Variants in ISG20L2 observed in about 807,000 individuals in gnomAD.
ISG20L2 encodes the protein interferon stimulated exonuclease gene 20 like 2.
ISG20L2 carries 14 observed loss-of-function variants against 27.8 expected under a neutral mutation model. The observed-to-expected ratio is 0.50, with a 90% CI of 0.33 to 0.79. The LOEUF (loss-of-function observed/expected upper bound fraction) is 0.79, where lower values mean the gene tolerates loss of function less well. Among genes scored for constraint, ISG20L2 ranks in the 30% least tolerant of loss-of-function variants. The probability of loss-of-function intolerance (pLI) is 0.02; values close to 1 mark genes in which losing one functional copy is unlikely to be tolerated. For missense variants in ISG20L2, 393 were observed against 435.1 expected (o/e 0.90, Z 0.86); for synonymous variants, 157 against 165.7 (o/e 0.95, Z 0.40).
rs1648560099 is a variant in ISG20L2 at position 156,721,965 on chromosome 1, G to A, written c.*1384C>T. ...AGGCTTGGTTTAGCAAGGTAAAAAA[G>A]ACAACCAAATTATTAAAACACTTTA... On this transcript the variant is annotated 3_prime_UTR_variant, in exon 4 of 4. Coordinates refer to ENST00000368219, the MANE Select transcript of ISG20L2 (RefSeq NM_001370150.2). 6.6e-6 allele frequency: 1 copy of A among 152,124 alleles called. No homozygotes were observed. Among genetic ancestry groups the A allele is most frequent in the Non-Finnish European group, 1.5e-5 (1 of 68,026 alleles). The allele number at this position is 152,124 out of a possible 1,614,324, so 9.4% of individuals were successfully genotyped here.
Position 156,728,230 on chromosome 1 carries a change from C to T in ISG20L2, c.-118+185G>A, listed in dbSNP as rs577837323. The T allele has an allele frequency of 1.5e-5, 15 of 985,910 alleles. No individual in the cohort carries two copies. The South Asian group carries it at 6.6e-4, about 43-fold the overall frequency. The allele number at this position is 985,910 out of a possible 1,614,324, so 61.1% of individuals were successfully genotyped here. On this transcript the variant is annotated intron_variant, in intron 1 of 3. Transcript: ENST00000368219. ...AGACACAAATCCAGGCATCCCTTTC[C>T]CTTGGCTCCAGGCCGGAATTGGGGG... is the stretch of plus-strand genomic sequence containing the variant.
At chr1:156,727,855 G>A (rs889112316) in intron 1 of ISG20L2, 86 bp from the exon 2 acceptor site, 1 of 1,375,868 alleles carries the variant, frequency 7.3e-7, no homozygotes, top group Non-Finnish European at 9.4e-7. Context: ...ACTTATGGAA[G>A]GAAAGACATC....
Position 156,724,213 on chromosome 1 carries a change from A to AGT in ISG20L2, c.881_882dup (p.Cys295ThrfsTer10). The AGT allele has an allele frequency of 6.2e-7, 1 of 1,612,920 alleles. No individual in the cohort carries two copies. The highest frequency in any genetic ancestry group is 8.5e-7 in the Non-Finnish European group (1 of 1,179,628). On this transcript the variant is annotated frameshift_variant, in exon 3 of 4. Coordinates refer to ENST00000368219, the MANE Select transcript of ISG20L2 (RefSeq NM_001370150.2). LOFTEE classifies it high-confidence loss of function. ...AGAGACATGGTGGCATTCTCCGGGC[A>AGT]GTCAGCCTTCCGGTTGAGGGGGGGG...
intron 2 of ISG20L2, chr1:156,725,804 T>C (rs561474097): frequency 3.2e-6 from 3 of 940,532 alleles, no homozygotes; most frequent in African/African-American, 3.5e-5. Flanking sequence ...CGCCCCTTTG[T>C]GCACAAGATG....
intron 1 of ISG20L2, 187 bp from the exon 2 acceptor site, chr1:156,727,956 G>A (rs1648880878): frequency 2.7e-6 from 3 of 1,120,208 alleles, no homozygotes; most frequent in Non-Finnish European, 3.3e-6. Context: ...GGATTCTAGT[G>A]AAGCCCAATT....
rs1457542690 is a variant in ISG20L2 at position 156,727,772 on chromosome 1, G to A, written c.-117-3C>T. ...CATGTGGAGGTCTGTAGTACACCCT[G>A]GGGAAGAAAGTGATCCTGGTAATTG... On this transcript the variant is annotated splice_region_variant and splice_polypyrimidine_tract_variant and intron_variant, in intron 1 of 3. Coordinates refer to ENST00000368219, the MANE Select transcript of ISG20L2 (RefSeq NM_001370150.2). 1.3e-6 allele frequency: 2 copies of A among 1,493,486 alleles called. No individual in the cohort carries two copies. Among genetic ancestry groups the A allele is most frequent in the African/African-American group, 2.8e-5 (2 of 71,552 alleles). The allele number at this position is 1,493,486 out of a possible 1,614,324, so 92.5% of individuals were successfully genotyped here.
At position 156,723,334 on chromosome 1, in the gene ISG20L2, G is replaced by A. The variant is rs771791024; in HGVS notation, c.*15C>T. ...CTGCCTCTGCCTCCTCATATCACCAGCGTCCCCACTGCCACTAGTCTGTAG... is the reference window on the plus strand; with the variant it reads ...CTGCCTCTGCCTCCTCATATCACCAACGTCCCCACTGCCACTAGTCTGTAG... On this transcript the variant is annotated 3_prime_UTR_variant, in exon 4 of 4. Transcript: ENST00000368219. 1 of 1,613,958 alleles carries A rather than the reference G, an allele frequency of 6.2e-7. No individual in the cohort carries two copies. The highest frequency in any genetic ancestry group is 1.1e-5 in the South Asian group (1 of 91,082).
Position 156,723,701 on chromosome 1 carries a change from T to C in ISG20L2, c.949-239A>G. On this transcript the variant is annotated intron_variant, in intron 3 of 3. Coordinates refer to ENST00000368219, the MANE Select transcript of ISG20L2 (RefSeq NM_001370150.2). Reference sequence around the variant, plus strand: ...TTTCTGTGGCAGTATGTATAAGCCATATTAGGTTCTGTAGAGATAGAACAT... The same window carrying C: ...TTTCTGTGGCAGTATGTATAAGCCACATTAGGTTCTGTAGAGATAGAACAT... The C allele has an allele frequency of 7.1e-6, 7 of 985,398 alleles. No individual in the cohort carries two copies. In the South Asian group the frequency reaches 2.8e-4, roughly 40 times the overall value. 61.0% of individuals were successfully genotyped at this position (985,398 alleles called of 1,614,324 possible).
In ISG20L2 at chr1:156,723,652, C is replaced by G. The variant is rs1400579807; in HGVS notation, c.949-190G>C. 3 of 985,290 alleles carry G rather than the reference C, an allele frequency of 3.0e-6. No homozygotes were observed. The African/African-American group carries it at 5.2e-5, about 17-fold the overall frequency. The allele number at this position is 985,290 out of a possible 1,614,324, so 61.0% of individuals were successfully genotyped here. ...TTCAGGGGTTCAACTCCTAGGAAGT[C>G]TTTGCCACTGTCTACCTCAGTCCTT... On this transcript the variant is annotated intron_variant, in intron 3 of 3. Transcript: ENST00000368219.
In ISG20L2 at chr1:156,723,116, A is replaced by C; in HGVS notation, c.*233T>G. 1.9e-6 allele frequency: 1 copy of C among 535,326 alleles called. No individual in the cohort carries two copies. The highest frequency in any genetic ancestry group is 3.3e-6 in the Non-Finnish European group (1 of 299,800). The allele number at this position is 535,326 out of a possible 1,614,324, so 33.2% of individuals were successfully genotyped here. A position where few individuals can be genotyped will look rare whatever the true frequency, so the allele number is the denominator to read the frequency against. On this transcript the variant is annotated 3_prime_UTR_variant, in exon 4 of 4. Transcript: ENST00000368219. ...TAGCACCATTTAAGAAGTAAAAGGT[A>C]TAGGGTTGGGTTCTGACGTGAAGGC...
intron 1 of ISG20L2, 100 bp from the exon 2 acceptor site, chr1:156,727,869 G>T: frequency 7.4e-7 from 1 of 1,355,842 alleles, no homozygotes; most frequent in Non-Finnish European, 9.5e-7. Flanking sequence ...AGACATCAGA[G>T]CAATCTCTCA....
In ISG20L2 at chr1:156,727,185, T is replaced by C. The variant is rs752765661; in HGVS notation, c.468A>G (p.Pro156=). The C allele has an allele frequency of 4.3e-6, 7 of 1,614,008 alleles. No individual in the cohort carries two copies. Among genetic ancestry groups the C allele is most frequent in the Non-Finnish European group, 5.1e-6 (6 of 1,180,032 alleles). The change falls in exon 2 of 4, where the codon CCA becomes CCG. Residue 156 remains proline (P), a synonymous_variant. Coordinates refer to ENST00000368219, the MANE Select transcript of ISG20L2 (RefSeq NM_001370150.2). ...CTGAATGAGCTTGGGTGGAGTTCTG[T>C]GGGGCATTCTTCTGAGGATGGTTCT... is the stretch of plus-strand genomic sequence containing the variant. ...SKKNHPQKNA[P]QNSTQAHSEN...
intron 1 of ISG20L2, 100 bp downstream of exon 1, chr1:156,728,315 A>T (rs1339776381): frequency 1.0e-6 from 1 of 985,590 alleles, no homozygotes; most frequent in African/African-American, 1.7e-5. Context: ...GACACCATCT[A>T]CCAGCGCGGG....
intron 2 of ISG20L2, 93 bp downstream of exon 2, chr1:156,726,813 T>C: frequency 6.6e-7 from 1 of 1,514,542 alleles, no homozygotes; most frequent in Non-Finnish European, 8.8e-7. Context: ...CCACAAACGT[T>C]GGTGTCTTCC....
Position 156,726,968 on chromosome 1 carries a change from A to G in ISG20L2, c.685T>C (p.Trp229Arg), listed in dbSNP as rs1283781396. The G allele has an allele frequency of 3.1e-6, 5 of 1,614,200 alleles. No individual in the cohort carries two copies. The highest frequency in any genetic ancestry group is 4.2e-6 in the Non-Finnish European group (5 of 1,180,024). Residue 229 changes from tryptophan (W) to arginine (R), a missense_variant, in exon 2 of 4, where the codon TGG becomes CGG. This residue lies in a region of ISG20L2 where 171 missense variants were observed against 195.3 expected (regional missense o/e 0.88). Transcript: ENST00000368219. ...ATGTGCTGCTTCCGGATACCACTCC[A>G]CCTGGTTCGGTAGTCCACAATGTGG... The part of the protein sequence containing the change: ...PCHIVDYRTR[W>R]SGIRKQHMVN...
chr1:156,725,718 C>T (rs1301744468), intron 2 of ISG20L2: 1 of 225,306 alleles, frequency 4.4e-6, no homozygotes, highest in Non-Finnish European at 7.4e-6. Context: ...CGACATATAG[C>T]CCTCATCAAA....
Position 156,724,243 on chromosome 1 carries a change from G to A in ISG20L2, c.853C>T (p.His285Tyr). 2 of 1,614,086 alleles carry A rather than the reference G, an allele frequency of 1.2e-6. No homozygotes were observed. Among genetic ancestry groups the A allele is most frequent in the Non-Finnish European group, 1.7e-6 (2 of 1,179,960 alleles). ...HPKSLTRDTS[H>Y]IPPLNRKADC... ...GCCTTCCGGTTGAGGGGGGGGATAT[G>A]GGAGGTGTCACGGGTGAGGGACTTG... is the stretch of plus-strand genomic sequence containing the variant. Residue 285 changes from histidine (H) to tyrosine (Y), a missense_variant, in exon 3 of 4, where the codon CAT becomes TAT. This residue lies in a region of ISG20L2 where 171 missense variants were observed against 195.3 expected (regional missense o/e 0.88). Transcript: ENST00000368219.
Position 156,727,316 on chromosome 1 carries a change from C to G in ISG20L2, c.337G>C (p.Ala113Pro). Residue 113 changes from alanine (A) to proline (P), a missense_variant, in exon 2 of 4, where the codon GCT becomes CCT. Physicochemically the swap from Ala to Pro is conservative, Grantham distance 27. Transcript: ENST00000368219. ...TCCCCCAGCAAATCTACTTTAGCAG[C>G]AACAGAATCAGCCTTTTTTGAAGGG... ...PAPSKKADSV[A>P]AKVDLLGEFQ... 6.2e-7 allele frequency: 1 copy of G among 1,614,202 alleles called. No homozygotes were observed. The highest frequency in any genetic ancestry group is 8.5e-7 in the Non-Finnish European group (1 of 1,180,036).
intron 2 of ISG20L2, chr1:156,726,071 G>A (rs2102623739): frequency 8.1e-6 from 8 of 985,376 alleles, no homozygotes; most frequent in Non-Finnish European, 9.6e-6. Flanking sequence ...TGCGCTCCAT[G>A]GCCAGCACAG....
Sources: allele counts gnomAD v4.1 joint callset, GRCh38; gene constraint gnomAD v4.1.1; regional missense constraint gnomAD v4.1.1; transcripts MANE v1.5; gene names NCBI Gene and HGNC (gene_info 2026-07-23, HGNC 2026-07-21).